SMIM36: variants seen among roughly 807,000 people sequenced by gnomAD.
SMIM36 encodes the protein small integral membrane protein 36.
intron 3 of SMIM36, among the ~76,000 whole-genome samples, chr17:55,478,436 C>T (rs975166876): frequency 6.6e-6 from 1 of 152,012 alleles, no homozygotes; most frequent in African/African-American, 2.4e-5. Context: ...TGCCTTGTTG[C>T]CCAGGCTGAT....
chr17:55,464,999 T>C (rs1685056298), intron 4 of SMIM36, among the ~76,000 whole-genome samples: 1 of 152,212 alleles, frequency 6.6e-6, no homozygotes, highest in African/African-American at 2.4e-5. Context: ...GCATTTTAAT[T>C]GATATCAGTC....
intron 4 of SMIM36, among the ~76,000 whole-genome samples, chr17:55,459,047 C>CAACATTCACCCCTATACACTACT: frequency 6.6e-6 from 1 of 152,136 alleles, no homozygotes; most frequent in Non-Finnish European, 1.5e-5. Flanking sequence ...CAGGAGCTGT[C>CAACATTCACCCCTATACACTACT]AACATTCACC....
chr17:55,452,392 A>C (rs1272088810), intron 4 of SMIM36, among the ~76,000 whole-genome samples: 1 of 152,180 alleles, frequency 6.6e-6, no homozygotes, highest in African/African-American at 2.4e-5. Flanking sequence ...CAGCAGAGTG[A>C]AGTTGCTAAC....
intron 4 of SMIM36, among the ~76,000 whole-genome samples, chr17:55,460,455 A>AC (rs1423421787): frequency 7.4e-5 from 11 of 148,802 alleles, no homozygotes; most frequent in African/African-American, 2.5e-4. Flanking sequence ...AACAAAACAA[A>AC]AAAAAAGAAC....
At chr17:55,464,097 A>G (rs1447724342) in intron 4 of SMIM36, among the ~76,000 whole-genome samples, 1 of 152,202 alleles carries the variant, frequency 6.6e-6, no homozygotes, top group Non-Finnish European at 1.5e-5. Flanking sequence ...CCTGGGTGAC[A>G]AAGCAAGGCC....
rs909420702 is a variant in SMIM36, at chr17:55,500,822, T to A, written c.*174+10057A>T. Among the ~76,000 whole-genome samples the A allele has an allele frequency of 3.3e-3, 74 of 22,658 alleles. 19 individuals carry two copies. Among genetic ancestry groups the A allele is most frequent in the South Asian group, 5.9e-3 (3 of 508 alleles). The allele number at this position is 22,658 out of a possible 152,430, so 14.9% of individuals were successfully genotyped here. A position where few individuals can be genotyped will look rare whatever the true frequency, so the allele number is the denominator to read the frequency against. Reference sequence around the variant, plus strand: ...TTATAATATATTATAATATATTATATTTTATAATATATATTATAATATATT... The same window carrying A: ...TTATAATATATTATAATATATTATAATTTATAATATATATTATAATATATT... On this transcript the variant is annotated intron_variant, in intron 1 of 4. Transcript: ENST00000636752.
intron 2 of SMIM36, 65 bp downstream of exon 2, chr17:55,479,395 G>T (rs1909482017): frequency 6.6e-6 from 1 of 152,150 alleles, no homozygotes; most frequent in Non-Finnish European, 1.5e-5. Context: ...GACCAGCCTG[G>T]CCAATATGGA....
At chr17:55,514,507 C>T (rs1910233484), upstream of SMIM36, among the ~76,000 whole-genome samples, 1 of 152,154 alleles carries the variant, frequency 6.6e-6, no homozygotes. Context: ...AAAATTGAAG[C>T]TTAAAGAGGC....
At chr17:55,501,499 A>G (rs1284174098) in intron 1 of SMIM36, among the ~76,000 whole-genome samples, 2 of 106,468 alleles carry the variant, frequency 1.9e-5, no homozygotes, top group Non-Finnish European at 3.5e-5. Context: ...AATATAATAT[A>G]ATATATTATT....
intron 1 of SMIM36, among the ~76,000 whole-genome samples, chr17:55,496,875 C>T (rs1909816876): frequency 6.6e-6 from 1 of 152,152 alleles, no homozygotes; most frequent in African/African-American, 2.4e-5. Context: ...CTGCTGATCC[C>T]ACCCTTTCAA....
the SMIM36 span, among the ~76,000 whole-genome samples, chr17:55,531,498 C>A: frequency 6.6e-6 from 1 of 152,186 alleles, no homozygotes; most frequent in Non-Finnish European, 1.5e-5. Flanking sequence ...GCCCTACCCC[C>A]TAGTAGTGTC....
At chr17:55,528,595 C>T in the SMIM36 span, among the ~76,000 whole-genome samples, 2 of 150,138 alleles carry the variant, frequency 1.3e-5, no homozygotes, top group Non-Finnish European at 3.0e-5. Flanking sequence ...TTTTGTTGTC[C>T]AGGCTGGAGT....
intron 3 of SMIM36, among the ~76,000 whole-genome samples, chr17:55,473,067 T>G (rs1019832373): frequency 6.6e-6 from 1 of 152,094 alleles, no homozygotes; most frequent in African/African-American, 2.4e-5. Flanking sequence ...TCAGGGCAAG[T>G]GGTTCTTAGA....
chr17:55,501,061 T>C (rs182978177), intron 1 of SMIM36, among the ~76,000 whole-genome samples: 973 of 2,336 alleles, frequency 0.42, 256 homozygotes, highest in East Asian at 0.74. Context: ...ATATAATATA[T>C]TATTATATAT....
At chr17:55,487,297 C>T (rs947946937) in intron 1 of SMIM36, among the ~76,000 whole-genome samples, 1 of 152,122 alleles carries the variant, frequency 6.6e-6, no homozygotes, top group Non-Finnish European at 1.5e-5. Context: ...CACATGTATA[C>T]CTATGTAATA....
chr17:55,502,967 G>A (rs1409838661), intron 1 of SMIM36, among the ~76,000 whole-genome samples: 2 of 151,272 alleles, frequency 1.3e-5, no homozygotes. Context: ...TGGAAGAAAG[G>A]GTGTCAGCAA....
intron 1 of SMIM36, among the ~76,000 whole-genome samples, chr17:55,483,717 C>T (rs1186310189): frequency 6.6e-6 from 1 of 152,184 alleles, no homozygotes; most frequent in Non-Finnish European, 1.5e-5. Flanking sequence ...TCACTGCAAC[C>T]TCTGCCTCTG....
At chr17:55,456,105 C>T (rs1187316386) in intron 4 of SMIM36, among the ~76,000 whole-genome samples, 1 of 45,976 alleles carries the variant, frequency 2.2e-5, no homozygotes. Flanking sequence ...GCAACAAGTG[C>T]AAAACTGTCT....
chr17:55,476,309 C>T (rs554688174), intron 3 of SMIM36, among the ~76,000 whole-genome samples: 84 of 152,202 alleles, frequency 5.5e-4, no homozygotes, highest in Non-Finnish European at 7.8e-4. Context: ...CCCCACCGAG[C>T]GCCTTGTGAC....
Sources: gnomAD v4.1 joint callset for allele counts (sites outside exome capture counted in the v4.1 genomes callset) on GRCh38, gnomAD v4.1.1 for gene constraint, MANE v1.5 for transcripts, NCBI Gene and HGNC (gene_info 2026-07-23, HGNC 2026-07-21) for gene names.